TANGO2: variants seen among roughly 807,000 people sequenced by gnomAD.
TANGO2 encodes transport and Golgi organization protein 2 homolog.
In TANGO2, 26 loss-of-function variants were observed where a neutral mutation model predicts 39.1. The ratio of observed to expected loss-of-function variants is 0.67; its 90% CI spans 0.49 to 0.92. The LOEUF (loss-of-function observed/expected upper bound fraction) is 0.92. TANGO2 is among the 40% of genes least tolerant of loss of function. The probability of loss-of-function intolerance (pLI) is 0.00; values close to 1 mark genes in which losing one functional copy is unlikely to be tolerated. For missense variants in TANGO2, 326 were observed against 360.1 expected, an observed-to-expected ratio of 0.91 and a Z score of 0.77; for synonymous variants, 131 against 144.5, an observed-to-expected ratio of 0.91 and a Z score of 0.67.
At chr22:20,058,010 C>T (rs1261976748) in intron 6 of TANGO2, 1 of 148,502 alleles carries the variant, frequency 6.7e-6, no homozygotes, top group Non-Finnish European at 1.5e-5. Context: ...GAGCCTGCCC[C>T]ACCTGGTCCA....
At chr22:20,031,741 A>T (rs2041909708) in intron 1 of TANGO2, among the ~76,000 whole-genome samples, 1 of 152,180 alleles carries the variant, frequency 6.6e-6, no homozygotes, top group Non-Finnish European at 1.5e-5. Flanking sequence ...CCTGGCGGGG[A>T]TCAGCAGATC....
intron 3 of TANGO2, among the ~76,000 whole-genome samples, chr22:20,044,867 C>A (rs1049359356): frequency 1.3e-4 from 20 of 152,324 alleles, no homozygotes; most frequent in Non-Finnish European, 2.2e-4. Flanking sequence ...TGGGCTCCAT[C>A]CCACCCTGGC....
intron 1 of TANGO2, among the ~76,000 whole-genome samples, chr22:20,024,300 G>T (rs1242721587): frequency 1.3e-5 from 2 of 152,248 alleles, no homozygotes; most frequent in African/African-American, 2.4e-5. Context: ...AGGGAGCAGG[G>T]CATTGCAGTG....
At chr22:20,020,331 T>G (rs1232796843), upstream of TANGO2, among the ~76,000 whole-genome samples, 1 of 152,164 alleles carries the variant, frequency 6.6e-6, no homozygotes, top group Non-Finnish European at 1.5e-5. Context: ...CTCTCCACCT[T>G]TCTGCCACAT....
chr22:20,026,891 A>G (rs1305693079), intron 1 of TANGO2, among the ~76,000 whole-genome samples: 1 of 152,188 alleles, frequency 6.6e-6, no homozygotes, highest in South Asian at 2.1e-4. Context: ...TCACCCATGG[A>G]TGGAGCAATT....
At chr22:20,037,195 G>A (rs2043016868) in intron 2 of TANGO2, 4 of 1,344,178 alleles carry the variant, frequency 3.0e-6, no homozygotes, top group Non-Finnish European at 4.0e-6. Context: ...GTGAGTGAGA[G>A]CCAGCTTGGG....
At chr22:20,063,122 C>T (rs1005680388) in intron 7 of TANGO2, 2 of 538,018 alleles carry the variant, frequency 3.7e-6, no homozygotes, top group Non-Finnish European at 6.6e-6. Flanking sequence ...TACCATTGCG[C>T]TCTAGTCTGG....
upstream of TANGO2, among the ~76,000 whole-genome samples, chr22:20,017,673 C>G (rs935365675): frequency 6.6e-6 from 1 of 152,216 alleles, no homozygotes; most frequent in Non-Finnish European, 1.5e-5. Context: ...TTCACCCTAC[C>G]TGGAGTCAGG....
Position 20,052,532 on chromosome 22 carries a change from A to G in TANGO2, c.213A>G (p.Ala71=). The change falls in exon 4 of 9, where the codon GCA becomes GCG. Residue 71 remains alanine, a synonymous_variant. Coordinates refer to ENST00000327374, the MANE Select transcript of TANGO2 (RefSeq NM_152906.7). The part of the protein sequence containing the change: ...WLGISTRGKL[A]ALTNYLQPQL... ...GCATCAGCACACGTGGCAAGCTGGC[A>G]GCACTCACCAACTACCTGCAGCCGC... is the stretch of plus-strand genomic sequence containing the variant. 1 of 1,604,380 alleles carries G rather than the reference A, an allele frequency of 6.2e-7. No homozygotes were observed. Among genetic ancestry groups the G allele is most frequent in the Non-Finnish European group, 8.5e-7 (1 of 1,175,768 alleles).
chr22:20,037,794 A>G (rs2043135245), intron 2 of TANGO2, among the ~76,000 whole-genome samples: 1 of 152,290 alleles, frequency 6.6e-6, no homozygotes, highest in East Asian at 1.9e-4. Flanking sequence ...GAGTGAACAG[A>G]ACTCTAAAGA....
intron 6 of TANGO2, among the ~76,000 whole-genome samples, chr22:20,058,641 CAAA>C (rs695705): frequency 9.4e-6 from 1 of 106,530 alleles, no homozygotes; most frequent in Non-Finnish European, 2.0e-5. Flanking sequence ...GATTGCATCT[CAAA>C]AAAAAAAAAA....
intron 6 of TANGO2, among the ~76,000 whole-genome samples, chr22:20,059,386 C>T (rs1156473835): frequency 6.6e-6 from 1 of 152,192 alleles, no homozygotes; most frequent in Middle Eastern, 3.2e-3. Context: ...TTTTATGGCT[C>T]TCATGTGAAT....
intron 6 of TANGO2, 97 bp from the exon 7 acceptor site, chr22:20,061,433 C>A: frequency 1.4e-6 from 2 of 1,402,828 alleles, no homozygotes; most frequent in South Asian, 1.4e-5. Context: ...ATTTCATGGT[C>A]CCCAGCTGTA....
At chr22:20,032,208 C>T (rs1294878696) in intron 1 of TANGO2, among the ~76,000 whole-genome samples, 1 of 152,272 alleles carries the variant, frequency 6.6e-6, no homozygotes, top group Non-Finnish European at 1.5e-5. Context: ...CCTACTTGCC[C>T]AACTGCTATC....
chr22:20,062,167 G>A (rs1316381797), intron 7 of TANGO2, among the ~76,000 whole-genome samples: 1 of 152,204 alleles, frequency 6.6e-6, no homozygotes, highest in African/African-American at 2.4e-5. Flanking sequence ...GCAGTTCCGG[G>A]AACTGCCTGG....
At chr22:20,052,411 G>A (rs2046520012) in intron 3 of TANGO2, 54 bp from the exon 4 acceptor site, 2 of 1,558,096 alleles carry the variant, frequency 1.3e-6, no homozygotes, top group Admixed American at 3.8e-5. Context: ...TGGGAACCAG[G>A]TGGGGGACTG....
In TANGO2 at chr22:20,057,642, G is replaced by C. The variant is rs1448448018; in HGVS notation, c.451+1629G>C. On this transcript the variant is annotated intron_variant, in intron 6 of 8. Coordinates refer to ENST00000327374, the MANE Select transcript of TANGO2 (RefSeq NM_152906.7). The surrounding 1 kb of genome is among the most constrained non-coding windows in gnomAD (Gnocchi z 4.1). Reference sequence around the variant, plus strand: ...GAAGGTCCTGAGCTTGCAAAGGATTGTTCTGGCTGTCTCAGCCAGCTCTTG... The same window carrying C: ...GAAGGTCCTGAGCTTGCAAAGGATTCTTCTGGCTGTCTCAGCCAGCTCTTG... 6.6e-6 allele frequency among the ~76,000 whole-genome samples: 1 copy of C among 152,238 alleles called. No homozygotes were observed. Among genetic ancestry groups the C allele is most frequent in the African/African-American group, 2.4e-5 (1 of 41,466 alleles).
chr22:20,021,000 G>A (rs2531703), upstream of TANGO2: 1 of 151,880 alleles, frequency 6.6e-6, no homozygotes, highest in African/African-American at 2.4e-5. Flanking sequence ...ACGGGACGCC[G>A]GCATGCGGCG....
At chr22:20,041,149 A>G (rs2043834043) in intron 2 of TANGO2, among the ~76,000 whole-genome samples, 1 of 152,150 alleles carries the variant, frequency 6.6e-6, no homozygotes, top group Non-Finnish European at 1.5e-5. Flanking sequence ...TGCTAGCACC[A>G]TGTACTTTTT....
Sources: allele counts gnomAD v4.1 joint callset (sites outside exome capture counted in the v4.1 genomes callset), GRCh38; gene constraint gnomAD v4.1.1; non-coding constraint Gnocchi (gnomAD v3.1); transcripts MANE v1.5; gene names NCBI Gene and HGNC (gene_info 2026-07-23, HGNC 2026-07-21).